Variants in PACRG observed in about 807,000 individuals in gnomAD.
PACRG encodes the protein parkin coregulated.
A neutral mutation model predicts 29.7 loss-of-function variants in PACRG; 29 were observed. That is an observed-to-expected ratio of 0.98 (90% CI 0.73 to 1.33). The LOEUF is 1.33. Among genes scored for constraint, PACRG ranks in the 40% most tolerant of loss-of-function variants. The pLI is 0.00. For synonymous variants in PACRG, 116 were observed against 118.7 expected (o/e 0.98, Z 0.15); for missense variants, 279 against 316.2 (o/e 0.88, Z 0.89).
At chr6:162,874,620 C>T (rs1449192700) in intron 2 of PACRG, among the ~76,000 whole-genome samples, 1 of 152,168 alleles carries the variant, frequency 6.6e-6, no homozygotes, top group East Asian at 1.9e-4. Flanking sequence ...GATGGACACC[C>T]CCCAATGTGG....
chr6:162,995,430 A>G (rs1005713208), intron 2 of PACRG, among the ~76,000 whole-genome samples: 4 of 152,086 alleles, frequency 2.6e-5, no homozygotes, highest in African/African-American at 9.7e-5. Flanking sequence ...CAGGTGTGGG[A>G]TATAGTCTCG....
intron 3 of PACRG, among the ~76,000 whole-genome samples, chr6:163,085,559 T>C (rs1319578469): frequency 6.6e-6 from 1 of 152,218 alleles, no homozygotes; most frequent in Non-Finnish European, 1.5e-5. Flanking sequence ...TCAGGGTATC[T>C]TTCTACTATC....
chr6:163,275,771 A>T (rs1784001602), intron 4 of PACRG, among the ~76,000 whole-genome samples: 1 of 152,098 alleles, frequency 6.6e-6, no homozygotes, highest in African/African-American at 2.4e-5. Context: ...AATATAAAGG[A>T]TCAGATTTTC....
chr6:163,022,889 A>G (rs990759230), intron 2 of PACRG, among the ~76,000 whole-genome samples: 3 of 152,130 alleles, frequency 2.0e-5, no homozygotes, highest in South Asian at 2.1e-4. Flanking sequence ...GAAAGGAGCA[A>G]TTTTTGTGAG....
intron 4 of PACRG, among the ~76,000 whole-genome samples, chr6:163,113,764 G>A (rs1165286666): frequency 6.6e-6 from 1 of 152,008 alleles, no homozygotes; most frequent in Non-Finnish European, 1.5e-5. Flanking sequence ...CTAAAAGGAG[G>A]CCACAGATTG....
intron 2 of PACRG, among the ~76,000 whole-genome samples, chr6:163,050,552 A>C (rs1331947317): frequency 2.0e-5 from 3 of 152,144 alleles, no homozygotes; most frequent in African/African-American, 4.8e-5. Context: ...TCACTTTTTA[A>C]TAAATTTTAT....
At chr6:162,925,436 T>G (rs1446443046) in intron 2 of PACRG, among the ~76,000 whole-genome samples, 1 of 152,160 alleles carries the variant, frequency 6.6e-6, no homozygotes, top group East Asian at 1.9e-4. Flanking sequence ...GCAAACTGAA[T>G]CCAGCAGTGC....
At chr6:163,265,851 G>A (rs1448858321) in intron 4 of PACRG, among the ~76,000 whole-genome samples, 1 of 152,116 alleles carries the variant, frequency 6.6e-6, no homozygotes, top group Non-Finnish European at 1.5e-5. Context: ...TTTATATTGA[G>A]CATTTACCAT....
At chr6:163,171,218 A>C (rs1299196250) in intron 4 of PACRG, among the ~76,000 whole-genome samples, 1 of 152,200 alleles carries the variant, frequency 6.6e-6, no homozygotes, top group East Asian at 1.9e-4. Flanking sequence ...GAGAATTTTG[A>C]AGAAAGATAA....
chr6:163,284,825 C>T (rs1784340735), intron 4 of PACRG, among the ~76,000 whole-genome samples: 1 of 152,180 alleles, frequency 6.6e-6, no homozygotes, highest in Non-Finnish European at 1.5e-5. Flanking sequence ...AAAGCTGTTG[C>T]CATCTATCCC....
At chr6:163,261,111 C>T (rs1035296973) in intron 4 of PACRG, among the ~76,000 whole-genome samples, 7 of 152,062 alleles carry the variant, frequency 4.6e-5, no homozygotes, top group African/African-American at 1.4e-4. Flanking sequence ...CTAGTCCCAT[C>T]GGGAGAGCTC....
intron 2 of PACRG, among the ~76,000 whole-genome samples, chr6:162,868,648 C>T (rs911448630): frequency 6.6e-6 from 1 of 152,070 alleles, no homozygotes; most frequent in Non-Finnish European, 1.5e-5. Flanking sequence ...GCACCCGAGC[C>T]GCCAGAGCAC....
intron 2 of PACRG, among the ~76,000 whole-genome samples, chr6:162,921,087 C>T (rs761823887): frequency 4.6e-5 from 7 of 152,098 alleles, no homozygotes; most frequent in Non-Finnish European, 1.0e-4. Flanking sequence ...AACTACAAAC[C>T]AAACTTGAAT....
intron 4 of PACRG, among the ~76,000 whole-genome samples, chr6:163,199,237 TAAAGAA>T (rs1780595513): frequency 6.6e-6 from 1 of 152,174 alleles, no homozygotes; most frequent in African/African-American, 2.4e-5. Context: ...TCTGAGTACT[TAAAGAA>T]TAAGAATGAT....
At chr6:162,975,495 A>G (rs1801874055) in intron 2 of PACRG, among the ~76,000 whole-genome samples, 1 of 152,156 alleles carries the variant, frequency 6.6e-6, no homozygotes, top group Non-Finnish European at 1.5e-5. Flanking sequence ...TCACACTTTA[A>G]TGCAATAAAG....
chr6:162,917,465 A>G (rs1796771610), intron 2 of PACRG, among the ~76,000 whole-genome samples: 1 of 152,192 alleles, frequency 6.6e-6, no homozygotes, highest in Non-Finnish European at 1.5e-5. Flanking sequence ...CTCAGGGTTC[A>G]GTAGGGTCAG....
intron 4 of PACRG, among the ~76,000 whole-genome samples, chr6:163,265,834 C>A (rs545505233): frequency 3.0e-4 from 46 of 152,162 alleles, no homozygotes; most frequent in African/African-American, 9.6e-4. Flanking sequence ...AAATAAACAC[C>A]TAAACTTTTA....
At chr6:162,815,099 A>G (rs959658200) in intron 2 of PACRG, among the ~76,000 whole-genome samples, 3 of 152,130 alleles carry the variant, frequency 2.0e-5, no homozygotes, top group East Asian at 1.9e-4. Context: ...TTTATCAACT[A>G]AAAGGGCTTC....
chr6:163,179,210 T>C (rs1257770295), intron 4 of PACRG: 1 of 455,956 alleles, frequency 2.2e-6, no homozygotes, highest in Admixed American at 2.3e-5. Flanking sequence ...GCGTCTTATC[T>C]TGGAGGCTGG....
Sources: allele counts gnomAD v4.1 joint callset (sites outside exome capture counted in the v4.1 genomes callset), GRCh38; gene constraint gnomAD v4.1.1; transcripts MANE v1.5; gene names NCBI Gene and HGNC (gene_info 2026-07-23, HGNC 2026-07-21).